The following SLC9A9 variants were observed in gnomAD, a reference collection of about 807,000 sequenced individuals.
SLC9A9 encodes the protein solute carrier family 9 member A9.
Under a neutral mutation model 77.8 loss-of-function variants are expected in SLC9A9, and 62 were observed. That is an observed-to-expected ratio of 0.80 (90% confidence interval 0.65 to 0.98). The LOEUF is 0.98. SLC9A9 is among the 50% of genes least tolerant of loss of function. SLC9A9 has a pLI of 0.00. For missense variants in SLC9A9, 775 were observed against 774.9 expected, an observed-to-expected ratio of 1.00 and a Z score of 0.00; for synonymous variants, 320 against 283.5, an observed-to-expected ratio of 1.13 and a Z score of -1.29.
At chr3:143,786,773 C>T (rs1424824926) in intron 4 of SLC9A9, among the ~76,000 whole-genome samples, 1 of 152,210 alleles carries the variant, frequency 6.6e-6, no homozygotes, top group Non-Finnish European at 1.5e-5. Context: ...ACTGTGCCCA[C>T]TCAGAATCCA....
At chr3:143,394,114 A>G (rs1399261349) in intron 12 of SLC9A9, among the ~76,000 whole-genome samples, 2 of 152,204 alleles carry the variant, frequency 1.3e-5, no homozygotes, top group Admixed American at 1.3e-4. Context: ...GGCCAGCATC[A>G]TCCTGATACC....
intron 9 of SLC9A9, among the ~76,000 whole-genome samples, chr3:143,516,883 T>G (rs1303827211): frequency 1.3e-5 from 2 of 152,208 alleles, no homozygotes; most frequent in Non-Finnish European, 2.9e-5. Flanking sequence ...TTGGGTAGTG[T>G]GTTAGAATAT....
At chr3:143,693,366 C>T (rs1933536043) in intron 4 of SLC9A9, 59 bp from the exon 5 acceptor site, 2 of 1,317,508 alleles carry the variant, frequency 1.5e-6, no homozygotes, top group Non-Finnish European at 2.2e-6. Flanking sequence ...TAAACCCATG[C>T]TATCATAAGC....
chr3:143,432,424 A>G (rs965995765), intron 12 of SLC9A9, among the ~76,000 whole-genome samples: 81 of 152,232 alleles, frequency 5.3e-4, no homozygotes, highest in Non-Finnish European at 5.9e-4. Flanking sequence ...TATCAAATAC[A>G]GGAAAAATGA....
intron 14 of SLC9A9, among the ~76,000 whole-genome samples, chr3:143,313,958 T>A (rs951726096): frequency 6.6e-6 from 1 of 152,112 alleles, no homozygotes; most frequent in African/African-American, 2.4e-5. Flanking sequence ...ATGCCCCCCA[T>A]AGCTGCCTCT....
chr3:143,608,782 G>T (rs1465232531), intron 6 of SLC9A9, among the ~76,000 whole-genome samples: 1 of 152,132 alleles, frequency 6.6e-6, no homozygotes, highest in Non-Finnish European at 1.5e-5. Context: ...TTAAGATGTG[G>T]TTACCTGTGC....
intron 14 of SLC9A9, chr3:143,313,143 C>T (rs560502069): frequency 6.6e-6 from 1 of 152,310 alleles, no homozygotes; most frequent in East Asian, 1.9e-4. Flanking sequence ...TCAAATTAAC[C>T]CTCATGGAGT....
chr3:143,690,187 T>C (rs890751357), intron 5 of SLC9A9, among the ~76,000 whole-genome samples: 7 of 152,100 alleles, frequency 4.6e-5, no homozygotes, highest in Admixed American at 2.0e-4. Flanking sequence ...TATATTATAC[T>C]TTTGAGAATA....
chr3:143,683,748 A>T (rs1186263650), intron 5 of SLC9A9, among the ~76,000 whole-genome samples: 2 of 152,164 alleles, frequency 1.3e-5, no homozygotes, highest in Admixed American at 1.3e-4. Context: ...AATAGATGTC[A>T]AAGTATATTT....
At chr3:143,643,690 C>A (rs2038657845) in intron 6 of SLC9A9, among the ~76,000 whole-genome samples, 1 of 152,134 alleles carries the variant, frequency 6.6e-6, no homozygotes, top group Non-Finnish European at 1.5e-5. Context: ...GTTTTTAGTG[C>A]ATAGGACCTA....
intron 4 of SLC9A9, among the ~76,000 whole-genome samples, chr3:143,793,704 A>G (rs1389669029): frequency 1.3e-5 from 2 of 152,240 alleles, no homozygotes; most frequent in African/African-American, 4.8e-5. Context: ...ATTCTCAGAG[A>G]TGGTAAGATT....
At chr3:143,805,919 C>G (rs540781448) in intron 2 of SLC9A9, among the ~76,000 whole-genome samples, 1 of 152,066 alleles carries the variant, frequency 6.6e-6, no homozygotes, top group African/African-American at 2.4e-5. Context: ...CACAGAGACT[C>G]GAGTGAAAGA....
chr3:143,271,104 T>TG (rs113543712), intron 14 of SLC9A9, among the ~76,000 whole-genome samples: 28,316 of 151,246 alleles, frequency 0.19, 2,766 homozygotes, highest in South Asian at 0.3. Flanking sequence ...GTAGCCATTG[T>TG]GGTTATCAGA....
chr3:143,798,774 C>T (rs937597354), intron 2 of SLC9A9, among the ~76,000 whole-genome samples: 3 of 152,108 alleles, frequency 2.0e-5, no homozygotes, highest in Non-Finnish European at 2.9e-5. Context: ...TTTTACACAT[C>T]GGTCCCTCCC....
chr3:143,542,727 C>A lies in SLC9A9; in HGVS notation c.1089+9635G>T, dbSNP rs183933742. Among the ~76,000 whole-genome samples the A allele has an allele frequency of 1.2e-3, 176 of 152,168 alleles. 1 individual carries two copies. The highest frequency in any genetic ancestry group is 4.1e-3 in the African/African-American group (168 of 41,432). On this transcript the variant is annotated intron_variant, in intron 9 of 15. Transcript: ENST00000316549. ...ATAAAACCATTAATTAGCATATATT[C>A]TCTTCTCTATTTTTTATCTTGGAAT...
chr3:143,707,810 G>A (rs550807947), intron 4 of SLC9A9, among the ~76,000 whole-genome samples: 32 of 152,292 alleles, frequency 2.1e-4, no homozygotes, highest in African/African-American at 6.3e-4. Context: ...AGAAGGTTGT[G>A]ATGAAATAAA....
At chr3:143,775,697 T>G (rs552012778) in intron 4 of SLC9A9, among the ~76,000 whole-genome samples, 1 of 152,342 alleles carries the variant, frequency 6.6e-6, no homozygotes, top group African/African-American at 2.4e-5. Flanking sequence ...TGCCCCCTCC[T>G]GTTTAACATC....
intron 14 of SLC9A9, among the ~76,000 whole-genome samples, chr3:143,279,836 GA>G (rs992498268): frequency 1.3e-5 from 2 of 151,702 alleles, no homozygotes; most frequent in Admixed American, 6.6e-5. Context: ...TTTTATTTAA[GA>G]AAAAAAACAG....
intron 1 of SLC9A9, among the ~76,000 whole-genome samples, chr3:143,842,971 C>T: frequency 6.6e-6 from 1 of 152,104 alleles, no homozygotes; most frequent in East Asian, 1.9e-4. Flanking sequence ...GATATCTGTT[C>T]CTTTCTTCCC....
Sources: allele counts gnomAD v4.1 joint callset (sites outside exome capture counted in the v4.1 genomes callset), GRCh38; gene constraint gnomAD v4.1.1; transcripts MANE v1.5; gene names NCBI Gene and HGNC (gene_info 2026-07-23, HGNC 2026-07-21).